Variants in PEX5L observed in about 807,000 individuals in gnomAD.
The protein encoded by PEX5L is PEX5-related protein.
PEX5L carries 30 observed loss-of-function variants against 84.0 expected under a neutral mutation model. That is an observed-to-expected ratio of 0.36 (90% CI 0.27 to 0.48). PEX5L has a LOEUF of 0.48. Ranked by LOEUF, PEX5L falls within the 20% of genes least tolerant of loss-of-function variation. The probability of loss-of-function intolerance (pLI) is 0.99; values close to 1 mark genes in which losing one functional copy is unlikely to be tolerated. For missense variants in PEX5L, 533 were observed against 754.6 expected (o/e 0.71, Z 3.44); for synonymous variants, 270 against 283.1 (o/e 0.95, Z 0.46).
intron 2 of PEX5L, among the ~76,000 whole-genome samples, chr3:179,947,928 G>A (rs1430034131): frequency 1.3e-5 from 2 of 151,916 alleles, no homozygotes; most frequent in Non-Finnish European, 2.9e-5. Context: ...GGATGGTCTC[G>A]ATCTCCTGAC....
At chr3:179,979,371 G>A (rs1190652885) in intron 1 of PEX5L, among the ~76,000 whole-genome samples, 1 of 152,160 alleles carries the variant, frequency 6.6e-6, no homozygotes, top group African/African-American at 2.4e-5. Flanking sequence ...TGTAATCATA[G>A]GATGCAGTGA....
chr3:179,801,148 G>T lies in PEX5L; in HGVS notation c.*680C>A, dbSNP rs1718751012. 1 of 152,464 alleles carries T rather than the reference G, an allele frequency of 6.6e-6. No homozygotes were observed. The highest frequency in any genetic ancestry group is 1.5e-5 in the Non-Finnish European group (1 of 68,030). The allele number at this position is 152,464 out of a possible 1,614,324, so 9.4% of individuals were successfully genotyped here. ...ATCTTTCACCCCCAAGTTAAAAATT[G>T]GAGCAACAAAACAAAACTCCAGCAA... On this transcript the variant is annotated 3_prime_UTR_variant, in exon 15 of 15. Transcript: ENST00000467460.
intron 2 of PEX5L, among the ~76,000 whole-genome samples, chr3:179,915,358 G>A (rs1766660668): frequency 6.6e-6 from 1 of 152,160 alleles, no homozygotes; most frequent in African/African-American, 2.4e-5. Context: ...ATCTGAAGAT[G>A]TGGGGAGACC....
chr3:179,826,051 G>T (rs1730372739), intron 8 of PEX5L, among the ~76,000 whole-genome samples: 1 of 152,152 alleles, frequency 6.6e-6, no homozygotes, highest in African/African-American at 2.4e-5. Context: ...TGGACAAACA[G>T]CCCGAGGCTC....
At chr3:179,803,251 T>C (rs565416778) in intron 14 of PEX5L, among the ~76,000 whole-genome samples, 1 of 152,352 alleles carries the variant, frequency 6.6e-6, no homozygotes, top group South Asian at 2.1e-4. Context: ...AGACTGTTTG[T>C]GTTTTGGAAA....
intron 1 of PEX5L, among the ~76,000 whole-genome samples, chr3:179,999,074 A>AG (rs1234103487): frequency 1.3e-5 from 2 of 152,204 alleles, no homozygotes; most frequent in Non-Finnish European, 2.9e-5. Context: ...TTTACATGGA[A>AG]GGAGAAATGG....
intron 2 of PEX5L, among the ~76,000 whole-genome samples, chr3:179,941,980 C>T (rs1776234185): frequency 7.8e-6 from 1 of 128,754 alleles, no homozygotes; most frequent in Non-Finnish European, 1.5e-5. Flanking sequence ...CAGATCGCGC[C>T]ACTGCACTCC....
At chr3:179,831,707 A>C (rs1733027014) in intron 8 of PEX5L, among the ~76,000 whole-genome samples, 1 of 152,196 alleles carries the variant, frequency 6.6e-6, no homozygotes, top group African/African-American at 2.4e-5. Context: ...TCTTGGAAGC[A>C]GATAACACCC....
chr3:180,021,532 G>A (rs928788543), intron 1 of PEX5L, among the ~76,000 whole-genome samples: 5 of 152,210 alleles, frequency 3.3e-5, no homozygotes, highest in African/African-American at 1.2e-4. Flanking sequence ...CACTATTATA[G>A]ATGATGCTTA....
intron 8 of PEX5L, among the ~76,000 whole-genome samples, chr3:179,844,604 G>A (rs973438456): frequency 1.3e-5 from 2 of 152,154 alleles, no homozygotes; most frequent in Non-Finnish European, 2.9e-5. Flanking sequence ...CGAGGCGGGC[G>A]GATCATGAGG....
At chr3:179,940,006 A>G (rs909673966) in intron 2 of PEX5L, among the ~76,000 whole-genome samples, 4 of 152,228 alleles carry the variant, frequency 2.6e-5, no homozygotes, top group African/African-American at 9.7e-5. Flanking sequence ...AAATGCTGAC[A>G]TAGGGGCTCC....
chr3:179,866,809 G>A (rs534293916), intron 7 of PEX5L, among the ~76,000 whole-genome samples: 1 of 151,832 alleles, frequency 6.6e-6, no homozygotes, highest in Non-Finnish European at 1.5e-5. Context: ...CGGATTGCCC[G>A]AGCTCGGGAG....
At chr3:179,820,804 T>C (rs145826125) in intron 8 of PEX5L, among the ~76,000 whole-genome samples, 4 of 152,182 alleles carry the variant, frequency 2.6e-5, no homozygotes, top group Non-Finnish European at 4.4e-5. Flanking sequence ...AGAGAGTTCT[T>C]TGGGTGGCCC....
intron 8 of PEX5L, among the ~76,000 whole-genome samples, chr3:179,840,582 C>T (rs1201070588): frequency 6.6e-6 from 1 of 152,070 alleles, no homozygotes; most frequent in African/African-American, 2.4e-5. Flanking sequence ...TCTAAGGGAG[C>T]AAGACTGAAA....
intron 1 of PEX5L, among the ~76,000 whole-genome samples, chr3:180,035,607 C>T (rs1283902055): frequency 2.6e-5 from 4 of 152,062 alleles, no homozygotes; most frequent in African/African-American, 9.7e-5. Flanking sequence ...AATATAACAA[C>T]ATATTTATCT....
chr3:179,805,086 T>C lies in PEX5L; in HGVS notation c.1676+2588A>G, dbSNP rs892256639. Among the ~76,000 whole-genome samples, 9 of 148,398 alleles carry C rather than the reference T, an allele frequency of 6.1e-5. No homozygotes were observed. In the East Asian group the frequency reaches 1.8e-3, roughly 30 times the overall value. On this transcript the variant is annotated intron_variant, in intron 14 of 14. Transcript: ENST00000467460. The stretch of plus-strand genomic sequence containing the variant: ...GTGAGCCGAGATTGCACCACTGCAC[T>C]CCAGCCTGGGTGACAGAAGCCTCCA...
At chr3:179,850,261 G>A (rs1741292299) in intron 8 of PEX5L, among the ~76,000 whole-genome samples, 1 of 151,872 alleles carries the variant, frequency 6.6e-6, no homozygotes, top group African/African-American at 2.4e-5. Context: ...CAGGTAGCTG[G>A]GATTACAGGC....
intron 1 of PEX5L, among the ~76,000 whole-genome samples, chr3:180,014,072 C>G (rs1422139377): frequency 6.6e-6 from 1 of 152,096 alleles, no homozygotes; most frequent in African/African-American, 2.4e-5. Context: ...ATGCTCATGC[C>G]CTTGAAGAGT....
Position 179,924,103 on chromosome 3 carries a change from C to T in PEX5L, c.94-25857G>A, listed in dbSNP as rs527337712. 1.3e-5 allele frequency among the ~76,000 whole-genome samples: 2 copies of T among 152,110 alleles called. 1 individual carries two copies. Among genetic ancestry groups the T allele is most frequent in the South Asian group, 4.1e-4 (2 of 4,826 alleles). On this transcript the variant is annotated intron_variant, in intron 2 of 14. Coordinates refer to ENST00000467460, the MANE Select transcript of PEX5L (RefSeq NM_016559.3). ...CACTGGGAACACTGGGTTGAAAAGC[C>T]GCTCTCAGACTAGGTTTTCAGGCTT... is the stretch of plus-strand genomic sequence containing the variant.
Sources: allele counts gnomAD v4.1 joint callset (sites outside exome capture counted in the v4.1 genomes callset), GRCh38; gene constraint gnomAD v4.1.1; transcripts MANE v1.5; gene names NCBI Gene and HGNC (gene_info 2026-07-23, HGNC 2026-07-21).